SVOP: variants seen among roughly 807,000 people sequenced by gnomAD.
SVOP encodes SV2 related protein, also known as synaptic vesicle 2-related protein.
Under a neutral mutation model 69.1 loss-of-function variants are expected in SVOP, and 17 were observed. The ratio of observed to expected loss-of-function variants is 0.25; its 90% confidence interval spans 0.17 to 0.37. SVOP has a LOEUF of 0.37. Ranked by LOEUF, SVOP falls within the 10% of genes least tolerant of loss-of-function variation. The pLI, the probability that SVOP is intolerant of heterozygous loss-of-function variation, is 1.00. For missense variants in SVOP, 435 were observed against 597.5 expected (o/e 0.73, Z 2.84); for synonymous variants, 238 against 238.6 (o/e 1.00, Z 0.02).
At chr12:109,010,278 G>A (rs1435639267) in intron 1 of SVOP, among the ~76,000 whole-genome samples, 1 of 152,108 alleles carries the variant, frequency 6.6e-6, no homozygotes, top group Non-Finnish European at 1.5e-5. Flanking sequence ...AAAGTGACCC[G>A]GGCACCCCCT....
chr12:109,015,623 T>G (rs568582985), intron 1 of SVOP, among the ~76,000 whole-genome samples: 1 of 136,080 alleles, frequency 7.3e-6, no homozygotes, highest in East Asian at 2.2e-4. Context: ...CTGGCCAACA[T>G]GACAAAACCC....
At chr12:108,989,657 G>A (rs547337086) in intron 1 of SVOP, among the ~76,000 whole-genome samples, 52 of 152,282 alleles carry the variant, frequency 3.4e-4, no homozygotes, top group African/African-American at 1.3e-3. Context: ...TCCACCAGGG[G>A]CAATCCAGAG....
At chr12:109,004,707 CATTT>C in intron 1 of SVOP, among the ~76,000 whole-genome samples, 1 of 1,154 alleles carries the variant, frequency 8.7e-4, no homozygotes, top group Non-Finnish European at 0.017. Flanking sequence ...ACAAGTATTT[CATTT>C]CATTTCATTT....
chr12:108,980,408 A>AT (rs1214501261), intron 2 of SVOP, among the ~76,000 whole-genome samples: 3 of 152,112 alleles, frequency 2.0e-5, no homozygotes, highest in African/African-American at 7.2e-5. Flanking sequence ...TATATCTGCA[A>AT]TTTTTTTGTA....
intron 6 of SVOP, among the ~76,000 whole-genome samples, chr12:108,945,379 G>T (rs1219528475): frequency 6.6e-6 from 1 of 151,962 alleles, no homozygotes; most frequent in Non-Finnish European, 1.5e-5. Flanking sequence ...ATGAGGCCCT[G>T]GCATCTGCAT....
chr12:108,925,219 A>C (rs2039773040), intron 11 of SVOP, among the ~76,000 whole-genome samples: 1 of 152,172 alleles, frequency 6.6e-6, no homozygotes, highest in Non-Finnish European at 1.5e-5. Flanking sequence ...AGGAGGTCGG[A>C]TCTTCAGTGT....
intron 6 of SVOP, among the ~76,000 whole-genome samples, chr12:108,950,217 C>T (rs1341422900): frequency 6.6e-6 from 1 of 151,628 alleles, no homozygotes; most frequent in Non-Finnish European, 1.5e-5. Context: ...CATGCACCAA[C>T]ATGCCCAGCT....
chr12:109,003,587 A>G (rs1171069115), intron 1 of SVOP, among the ~76,000 whole-genome samples: 1 of 152,220 alleles, frequency 6.6e-6, no homozygotes, highest in African/African-American at 2.4e-5. Flanking sequence ...GACTTTGAGA[A>G]AATGGCTTAG....
At chr12:108,974,356 A>ATTGTG (rs1233609786) in intron 4 of SVOP, among the ~76,000 whole-genome samples, 1 of 152,216 alleles carries the variant, frequency 6.6e-6, no homozygotes, top group East Asian at 1.9e-4. Context: ...GTTGTGGTCT[A>ATTGTG]TTGTGTACTA....
chr12:109,012,962 A>T (rs1272761017), intron 1 of SVOP, among the ~76,000 whole-genome samples: 1 of 152,240 alleles, frequency 6.6e-6, no homozygotes, highest in Non-Finnish European at 1.5e-5. Context: ...GAAAATAGAC[A>T]TGAAGAAACA....
At chr12:108,955,299 G>A (rs146301549) in intron 6 of SVOP, among the ~76,000 whole-genome samples, 95 of 152,310 alleles carry the variant, frequency 6.2e-4, no homozygotes, top group African/African-American at 2.1e-3. Context: ...AGGGGAAAAC[G>A]GTATCGTCCT....
At chr12:108,985,483 T>C (rs1255348569) in intron 1 of SVOP, among the ~76,000 whole-genome samples, 6 of 152,112 alleles carry the variant, frequency 3.9e-5, no homozygotes, top group Non-Finnish European at 7.4e-5. Flanking sequence ...ACAAGCCTGG[T>C]TGACATGGCA....
At chr12:108,930,928 A>G (rs4964775) in intron 11 of SVOP, among the ~76,000 whole-genome samples, 10,017 of 152,308 alleles carry the variant, frequency 0.066, 843 homozygotes, top group Admixed American at 0.26. Flanking sequence ...TTGTGCTGCT[A>G]CAAACAACAG....
At chr12:108,972,208 T>C (rs1190166171) in intron 5 of SVOP, among the ~76,000 whole-genome samples, 197 bp downstream of exon 5, 2 of 151,682 alleles carry the variant, frequency 1.3e-5, no homozygotes, top group Non-Finnish European at 2.9e-5. Flanking sequence ...TTCTGAAATG[T>C]ATATGCGTGG....
intron 1 of SVOP, among the ~76,000 whole-genome samples, chr12:109,010,607 A>G (rs112545476): frequency 0.011 from 1,635 of 151,866 alleles, 9 homozygotes; most frequent in Middle Eastern, 0.024. Context: ...TCAACCTTCC[A>G]GGTTCAAGTG....
At chr12:108,942,931 AT>A (rs1171114877) in intron 7 of SVOP, among the ~76,000 whole-genome samples, 5 of 151,718 alleles carry the variant, frequency 3.3e-5, no homozygotes, top group Admixed American at 6.6e-5. Context: ...CACCTGGTTA[AT>A]TTTTTTTGTT....
intron 15 of SVOP, among the ~76,000 whole-genome samples, chr12:108,915,522 G>C (rs977369484): frequency 6.6e-6 from 1 of 152,180 alleles, no homozygotes; most frequent in African/African-American, 2.4e-5. Context: ...GCAGCCCAAG[G>C]ATTTTCTTCA....
At chr12:108,963,415 C>G (rs1050718976) in intron 5 of SVOP, among the ~76,000 whole-genome samples, 3 of 152,072 alleles carry the variant, frequency 2.0e-5, no homozygotes, top group African/African-American at 7.2e-5. Flanking sequence ...TCATTTCAGT[C>G]TTCATTTTTA....
At chr12:108,981,247 T>C (rs1032335359) in intron 2 of SVOP, among the ~76,000 whole-genome samples, 1 of 152,186 alleles carries the variant, frequency 6.6e-6, no homozygotes, top group Non-Finnish European at 1.5e-5. Context: ...ATCCTATGAG[T>C]TAAGGCCTAG....
Sources: gnomAD v4.1 joint callset for allele counts (sites outside exome capture counted in the v4.1 genomes callset) on GRCh38, gnomAD v4.1.1 for gene constraint, MANE v1.5 for transcripts, NCBI Gene and HGNC (gene_info 2026-07-23, HGNC 2026-07-21) for gene names.